The following SLC60A2 variants were observed in gnomAD, a reference collection of about 807,000 sequenced individuals.
The protein encoded by SLC60A2 is solute carrier family 60 member 2.
At chr6:111,278,138 C>T in the SLC60A2 span, 1 of 152,214 alleles carries the variant, frequency 6.6e-6, no homozygotes, top group Admixed American at 6.5e-5. Flanking sequence ...AAGAGAATGA[C>T]TGGCTTGCCT....
the SLC60A2 span, chr6:111,270,744 C>G: frequency 6.6e-6 from 1 of 151,988 alleles, no homozygotes; most frequent in Non-Finnish European, 1.5e-5. Context: ...ACTCGGGAGG[C>G]TGAGGCAGGA....
the SLC60A2 span, chr6:111,265,325 T>C: frequency 4.1e-6 from 4 of 985,066 alleles, no homozygotes; most frequent in Non-Finnish European, 4.8e-6. Flanking sequence ...CCTAGACGTT[T>C]AGACAGTATA....
chr6:111,274,395 G>T, the SLC60A2 span, among the ~76,000 whole-genome samples: 4 of 152,164 alleles, frequency 2.6e-5, no homozygotes, highest in African/African-American at 9.7e-5. Context: ...GTGTTTACGG[G>T]TGAAGTGAGT....
chr6:111,261,802 C>G, the SLC60A2 span, among the ~76,000 whole-genome samples: 1 of 152,086 alleles, frequency 6.6e-6, no homozygotes, highest in African/African-American at 2.4e-5. Context: ...CTGTGTTGGC[C>G]ACGCTGGTCT....
chr6:111,265,816 T>G, the SLC60A2 span: 13 of 1,443,800 alleles, frequency 9.0e-6, no homozygotes, highest in Non-Finnish European at 1.2e-5. Flanking sequence ...AGTGAACTTT[T>G]TTTTTTAATA....
At chr6:111,261,608 T>G in the SLC60A2 span, among the ~76,000 whole-genome samples, 1 of 152,110 alleles carries the variant, frequency 6.6e-6, no homozygotes, top group Admixed American at 6.5e-5. Context: ...AATTTATTCT[T>G]TCTGAGACAG....
the SLC60A2 span, chr6:111,270,626 G>T: frequency 6.6e-6 from 1 of 152,138 alleles, no homozygotes; most frequent in Non-Finnish European, 1.5e-5. Flanking sequence ...CGGATCACAA[G>T]GTCAGGAGAT....
the SLC60A2 span, chr6:111,266,124 G>C: frequency 1.9e-6 from 3 of 1,614,136 alleles, no homozygotes; most frequent in South Asian, 3.3e-5. Flanking sequence ...GGCTTATGCT[G>C]TTATCGGTAC....
the SLC60A2 span, among the ~76,000 whole-genome samples, chr6:111,263,219 C>T: frequency 4.6e-5 from 7 of 152,050 alleles, no homozygotes; most frequent in African/African-American, 1.2e-4. Flanking sequence ...TGAGCCACCA[C>T]GCCTGGGCTG....
At chr6:111,259,518 G>C in the SLC60A2 span, 1 of 527,626 alleles carries the variant, frequency 1.9e-6, no homozygotes, top group Non-Finnish European at 3.3e-6. Flanking sequence ...GCAGCAAGAC[G>C]ACTTCTCCGG....
At chr6:111,278,500 G>A in the SLC60A2 span, 7 of 152,110 alleles carry the variant, frequency 4.6e-5, no homozygotes, top group African/African-American at 1.7e-4. Flanking sequence ...ATGTGTTGTT[G>A]GAGGGACCTG....
chr6:111,265,812 CTT>C, the SLC60A2 span: 1 of 1,257,658 alleles, frequency 8.0e-7, no homozygotes, highest in Non-Finnish European at 1.1e-6. Flanking sequence ...GATAAGTGAA[CTT>C]TTTTTTTTAA....
At chr6:111,263,148 G>A in the SLC60A2 span, among the ~76,000 whole-genome samples, 1 of 152,102 alleles carries the variant, frequency 6.6e-6, no homozygotes, top group East Asian at 1.9e-4. Flanking sequence ...ATGTTGCCCA[G>A]GTTGGTCTGG....
chr6:111,262,201 A>T, the SLC60A2 span: 1 of 1,438,984 alleles, frequency 6.9e-7, no homozygotes, highest in Non-Finnish European at 9.6e-7. Flanking sequence ...ACTACCACAT[A>T]GTTAGACATT....
chr6:111,272,137 G>A, the SLC60A2 span, among the ~76,000 whole-genome samples: 181 of 152,196 alleles, frequency 1.2e-3, no homozygotes, highest in African/African-American at 4.3e-3. Flanking sequence ...CAAGTAGCTG[G>A]GACTACAGGC....
the SLC60A2 span, chr6:111,265,836 CTG>C: frequency 6.6e-7 from 1 of 1,514,214 alleles, no homozygotes. Flanking sequence ...AAGTAAGTAA[CTG>C]TTTAACTTAA....
the SLC60A2 span, chr6:111,266,286 G>A: frequency 1.2e-6 from 2 of 1,613,910 alleles, no homozygotes; most frequent in African/African-American, 2.7e-5. Context: ...CTTTTTTTAT[G>A]TTGGAGCTGA....
chr6:111,262,440 AT>A, the SLC60A2 span: 3 of 1,601,396 alleles, frequency 1.9e-6, no homozygotes, highest in African/African-American at 2.7e-5. Flanking sequence ...GTAAATGCTA[AT>A]TTTAGCTTCT....
the SLC60A2 span, chr6:111,265,986 C>T: frequency 1.2e-6 from 2 of 1,614,200 alleles, no homozygotes; most frequent in Non-Finnish European, 1.7e-6. Context: ...GCTAGCTAAA[C>T]TGGCTTTGGG....
Sources: allele counts gnomAD v4.1 joint callset (sites outside exome capture counted in the v4.1 genomes callset), GRCh38; gene constraint gnomAD v4.1.1; transcripts MANE v1.5; gene names NCBI Gene and HGNC (gene_info 2026-07-23, HGNC 2026-07-21).